XRCC1: variants seen among roughly 807,000 people sequenced by gnomAD.
XRCC1 encodes the protein X-ray repair cross complementing 1, also known as DNA repair protein XRCC1.
XRCC1 carries 52 observed loss-of-function variants against 83.3 expected under a neutral mutation model. That is an observed-to-expected ratio of 0.62 (90% CI 0.50 to 0.79). The LOEUF is 0.79. Ranked by LOEUF, XRCC1 falls within the 30% of genes least tolerant of loss-of-function variation. The probability of loss-of-function intolerance (pLI) is 0.00; values close to 1 mark genes in which losing one functional copy is unlikely to be tolerated. For synonymous variants in XRCC1, 281 were observed against 312.6 expected (o/e 0.90, Z 1.07); for missense variants, 793 against 823.5 (o/e 0.96, Z 0.45).
rs45592142 is a variant in XRCC1 at position 43,543,341 on chromosome 19, CGTGTGTGTGTGTGTGTGT to C, written c.*33_*50del. On this transcript the variant is annotated 3_prime_UTR_variant, in exon 17 of 17. Transcript: ENST00000262887. Reference sequence around the variant, plus strand: ...ACCAACTCATCTTTATTAAATGCATCGTGTGTGTGTGTGTGTGTGTGTGTGTGTGTGTGTGTGTATAGC... The same window carrying C: ...ACCAACTCATCTTTATTAAATGCATCGTGTGTGTGTGTGTGTGTGTATAGC... 1,014 of 1,044,504 alleles carry C rather than the reference CGTGTGTGTGTGTGTGTGT, an allele frequency of 9.7e-4. 10 individuals are homozygous for C. The African/African-American group carries it at 0.011, about 11-fold the overall frequency. The allele number at this position is 1,044,504 out of a possible 1,614,324, so 64.7% of individuals were successfully genotyped here.
At chr19:43,571,684 A>G (rs1972807932) in intron 2 of XRCC1, among the ~76,000 whole-genome samples, 1 of 152,150 alleles carries the variant, frequency 6.6e-6, no homozygotes, top group African/African-American at 2.4e-5. Context: ...TTGTATTTTT[A>G]GTAGAGATGA....
chr19:43,546,644 T>C lies in XRCC1; in HGVS notation c.1377A>G (p.Ala459=). ...QKPPTPEETK[A]ASPVLQEDID... The stretch of plus-strand genomic sequence containing the variant: ...TATCTTCCTGGAGCACTGGTGAGGC[T>C]GCTTTGGTCTCTTCAGGGGTTGGGG... Residue 459 remains alanine (A), a synonymous_variant, in exon 12 of 17, where the codon GCA becomes GCG. Coordinates refer to ENST00000262887, the MANE Select transcript of XRCC1 (RefSeq NM_006297.3). 1 of 1,612,038 alleles carries C rather than the reference T, an allele frequency of 6.2e-7. No individual in the cohort carries two copies. Among genetic ancestry groups the C allele is most frequent in the Non-Finnish European group, 8.5e-7 (1 of 1,179,432 alleles).
At chr19:43,550,383 G>A (rs1024491018) in intron 10 of XRCC1, among the ~76,000 whole-genome samples, 1 of 152,186 alleles carries the variant, frequency 6.6e-6, no homozygotes, top group African/African-American at 2.4e-5. Flanking sequence ...AGCTTCTAGA[G>A]ATGTTTGGAT....
chr19:43,551,263 G>T (rs960471334), intron 10 of XRCC1, among the ~76,000 whole-genome samples: 1 of 152,260 alleles, frequency 6.6e-6, no homozygotes, highest in South Asian at 2.1e-4. Context: ...CCACTGCACC[G>T]GGACTCACTT....
At chr19:43,543,964 G>C (rs1191159160) in intron 15 of XRCC1, among the ~76,000 whole-genome samples, 180 bp downstream of exon 15, 1 of 152,080 alleles carries the variant, frequency 6.6e-6, no homozygotes, top group Non-Finnish European at 1.5e-5. Context: ...AATGCACCCT[G>C]GGCTGCCGGT....
At chr19:43,566,732 A>G (rs1398621180) in intron 2 of XRCC1, among the ~76,000 whole-genome samples, 1 of 151,538 alleles carries the variant, frequency 6.6e-6, no homozygotes, top group Non-Finnish European at 1.5e-5. Flanking sequence ...CAGAAAAATT[A>G]GTTGGGCATG....
rs1972579734 is a variant in XRCC1, at chr19:43,551,901, A to T, written c.1082+116T>A. ...ACAGAATGCAGTGAGAAAGAAAGCAAGTGAGAGAGAGAGAAAGCATGCAGC... is the reference window on the plus strand; with the variant it reads ...ACAGAATGCAGTGAGAAAGAAAGCATGTGAGAGAGAGAGAAAGCATGCAGC... On this transcript the variant is annotated intron_variant, in intron 9 of 16. Transcript: ENST00000262887. 7 of 1,236,508 alleles carry T rather than the reference A, an allele frequency of 5.7e-6. No individual in the cohort carries two copies. The East Asian group carries it at 9.3e-5, about 16-fold the overall frequency. 76.6% of individuals were successfully genotyped at this position (1,236,508 alleles called of 1,614,324 possible). A position where few individuals can be genotyped will look rare whatever the true frequency, so the allele number is the denominator to read the frequency against.
Position 43,575,519 on chromosome 19 carries a change from A to G in XRCC1, c.-61T>C, listed in dbSNP as rs779694089. The G allele has an allele frequency of 2.5e-5, 36 of 1,427,982 alleles. No individual in the cohort carries two copies. Among genetic ancestry groups the G allele is most frequent in the Admixed American group, 3.5e-5 (2 of 57,144 alleles). The allele number at this position is 1,427,982 out of a possible 1,614,324, so 88.5% of individuals were successfully genotyped here. ...AGGTAGAGTATGGGGTCCGAGGGGCAGGGAGAGTGGGAGGGGGCGGGGTGC... is the reference window on the plus strand; with the variant it reads ...AGGTAGAGTATGGGGTCCGAGGGGCGGGGAGAGTGGGAGGGGGCGGGGTGC... On this transcript the variant is annotated 5_prime_UTR_variant, in exon 1 of 17. Coordinates refer to ENST00000262887, the MANE Select transcript of XRCC1 (RefSeq NM_006297.3).
At chr19:43,545,253 G>A (rs1281225379) in intron 14 of XRCC1, among the ~76,000 whole-genome samples, 1 of 152,060 alleles carries the variant, frequency 6.6e-6, no homozygotes. Flanking sequence ...CTTCATTCTC[G>A]AAGAAGCTCT....
At chr19:43,561,805 T>C (rs554567164) in intron 2 of XRCC1, among the ~76,000 whole-genome samples, 8 of 152,264 alleles carry the variant, frequency 5.3e-5, no homozygotes, top group African/African-American at 1.9e-4. Context: ...GAGGCAAGTG[T>C]CCTGCCTTCC....
Position 43,552,852 on chromosome 19 carries a change from C to G in XRCC1, c.768G>C (p.Lys256Asn), listed in dbSNP as rs1401622215. The G allele has an allele frequency of 6.2e-7, 1 of 1,613,490 alleles. No individual in the cohort carries two copies. The highest frequency in any genetic ancestry group is 2.2e-5 in the East Asian group (1 of 44,874). Residue 256 changes from lysine to asparagine, a missense_variant, in exon 8 of 17, where the codon AAG becomes AAC. By Grantham distance (94) the Lys-to-Asn change is moderately conservative. Transcript: ENST00000262887. ...GCTGGGCTGGTGGTTTGCTGGGGGT[C>G]TTCTTTTCTTCTTGGTTCAAATCCA... Reference protein sequence around the residue: ...RKLDLNQEEKKTPSKPPAQLS... With the variant: ...RKLDLNQEEKNTPSKPPAQLS...
At chr19:43,562,481 C>T (rs770672269) in intron 2 of XRCC1, among the ~76,000 whole-genome samples, 1 of 152,112 alleles carries the variant, frequency 6.6e-6, no homozygotes, top group African/African-American at 2.4e-5. Context: ...CAGTGGCTCA[C>T]GTCTCTATAA....
rs371413053 is a variant in XRCC1 at position 43,556,699 on chromosome 19, G to A, written c.256-1895C>T. Among the ~76,000 whole-genome samples the A allele has an allele frequency of 5.3e-5, 8 of 152,032 alleles. No individual in the cohort carries two copies. The East Asian group carries it at 1.4e-3, about 26-fold the overall frequency. On this transcript the variant is annotated intron_variant, in intron 3 of 16. Coordinates refer to ENST00000262887, the MANE Select transcript of XRCC1 (RefSeq NM_006297.3). Reference sequence around the variant, plus strand: ...AGACGCCTGTTGTCCCAGCTACTCGGGAGGCTGAGGCACGAGAATTGCTTG... The same window carrying A: ...AGACGCCTGTTGTCCCAGCTACTCGAGAGGCTGAGGCACGAGAATTGCTTG...
chr19:43,545,706 A>G, intron 14 of XRCC1, 112 bp downstream of exon 14: 1 of 1,404,398 alleles, frequency 7.1e-7, no homozygotes, highest in Non-Finnish European at 9.7e-7. Context: ...GAGGAAGGAG[A>G]GGGGAGGCAA....
chr19:43,569,532 C>T (rs1358825342), intron 2 of XRCC1, among the ~76,000 whole-genome samples: 3 of 151,664 alleles, frequency 2.0e-5, no homozygotes, highest in African/African-American at 7.3e-5. Flanking sequence ...CCTGTAATCC[C>T]AGCACTTTGG....
At chr19:43,561,100 TG>T (rs1972694655) in intron 2 of XRCC1, 80 bp from the exon 3 acceptor site, 7 of 1,092,650 alleles carry the variant, frequency 6.4e-6, no homozygotes, top group Middle Eastern at 2.0e-4. Flanking sequence ...GAATCTCCTT[TG>T]GATCACCATG....
rs760231285 is a variant in XRCC1 at position 43,546,212 on chromosome 19, C to T, written c.1427-106G>A. 87 of 1,316,690 alleles carry T rather than the reference C, an allele frequency of 6.6e-5. No homozygotes were observed. The Admixed American group carries it at 7.1e-4, about 11-fold the overall frequency. The allele number at this position is 1,316,690 out of a possible 1,614,324, so 81.6% of individuals were successfully genotyped here. On this transcript the variant is annotated intron_variant, in intron 12 of 16. Coordinates refer to ENST00000262887, the MANE Select transcript of XRCC1 (RefSeq NM_006297.3). ...AGGCATCTCATGCCCCCAGCCTCAA[C>T]TGCCCTCCAGATCCAGTCGTCTGGG...
rs2146048768 is a variant in XRCC1 at position 43,551,577 on chromosome 19, G to A, written c.1193C>T (p.Ser398Phe). The change falls in exon 10 of 17, where the codon TCC (serine) becomes TTC (phenylalanine). Residue 398 changes from serine (S) to phenylalanine (F), a missense_variant. Transcript: ENST00000262887. ...TTGGCGTGTGAGGCCTTACCTCTGG[G>A]AGGGCAGCCGCCGACGCATGCGGTG... ...DCHRMRRRLP[S>F]QRYLMAGPGS... 1 of 1,613,890 alleles carries A rather than the reference G, an allele frequency of 6.2e-7. No individual in the cohort carries two copies. Among genetic ancestry groups the A allele is most frequent in the Non-Finnish European group, 8.5e-7 (1 of 1,179,812 alleles).
Position 43,546,722 on chromosome 19 carries a change from G to A in XRCC1, c.1299C>T (p.Pro433=). Residue 433 remains proline (P), a synonymous_variant, in exon 12 of 17, where the codon CCC becomes CCT. Coordinates refer to ENST00000262887, the MANE Select transcript of XRCC1 (RefSeq NM_006297.3). The stretch of plus-strand genomic sequence containing the variant: ...CCTGAGTGGGCTTGGTTTTGGTCTG[G>A]GGTTGCTAAGGAGGGAGAGTGGGTG... ...DEAPKLPQKQ[P]QTKTKPTQAA... is the part of the protein sequence containing the mutation. 6.2e-7 allele frequency: 1 copy of A among 1,608,040 alleles called. No homozygotes were observed. Among genetic ancestry groups the A allele is most frequent in the Non-Finnish European group, 8.5e-7 (1 of 1,177,786 alleles).
Sources: gnomAD v4.1 joint callset for allele counts (sites outside exome capture counted in the v4.1 genomes callset) on GRCh38, gnomAD v4.1.1 for gene constraint, MANE v1.5 for transcripts, NCBI Gene and HGNC (gene_info 2026-07-23, HGNC 2026-07-21) for gene names.